The following ERC2 variants were observed in gnomAD, a reference collection of about 807,000 sequenced individuals.
ERC2 encodes ERC protein 2.
ERC2 carries 42 observed loss-of-function variants against 114.8 expected under a neutral mutation model. The observed-to-expected ratio is 0.37, with a 90% CI of 0.29 to 0.47. The LOEUF is 0.47. ERC2 is among the 20% of genes least tolerant of loss of function. ERC2 has a pLI of 0.99. For synonymous variants in ERC2, 454 were observed against 425.5 expected (o/e 1.07, Z -0.82); for missense variants, 939 against 1,150.7 (o/e 0.82, Z 2.66).
At chr3:55,929,590 G>A (rs1383941609) in intron 13 of ERC2, among the ~76,000 whole-genome samples, 1 of 152,174 alleles carries the variant, frequency 6.6e-6, no homozygotes, top group Non-Finnish European at 1.5e-5. Flanking sequence ...TAGGCAAATG[G>A]ATAATAAAAA....
chr3:55,663,981 T>C (rs919587711), intron 17 of ERC2, among the ~76,000 whole-genome samples: 2 of 152,234 alleles, frequency 1.3e-5, no homozygotes, highest in African/African-American at 2.4e-5. Flanking sequence ...TACCAGATGC[T>C]CAGCCACTAA....
rs541619164 is a variant in ERC2 at position 56,402,603 on chromosome 3, C to T, written c.657+31748G>A. Among the ~76,000 whole-genome samples the T allele has an allele frequency of 3.9e-4, 60 of 152,318 alleles. 1 individual carries two copies. The South Asian group carries it at 0.012, about 31-fold the overall frequency. On this transcript the variant is annotated intron_variant, in intron 2 of 17. Transcript: ENST00000288221. ...CCCACTAACAGTGATTAGGGTCCAT[C>T]TCACTTCTCCTCCCACCACTGTGTA...
At chr3:55,624,376 G>C (rs143665842) in intron 17 of ERC2, among the ~76,000 whole-genome samples, 1 of 152,170 alleles carries the variant, frequency 6.6e-6, no homozygotes, top group Non-Finnish European at 1.5e-5. Context: ...ACAATGTGTC[G>C]CCACGGGAGG....
At chr3:55,686,045 A>G (rs1042613735) in intron 16 of ERC2, among the ~76,000 whole-genome samples, 1 of 152,234 alleles carries the variant, frequency 6.6e-6, no homozygotes, top group Admixed American at 6.5e-5. Context: ...AGCAAATTAA[A>G]TATATTAAAA....
At chr3:55,844,040 G>T (rs750546233) in intron 14 of ERC2, among the ~76,000 whole-genome samples, 5 of 152,084 alleles carry the variant, frequency 3.3e-5, no homozygotes, top group African/African-American at 1.2e-4. Flanking sequence ...CAAAGTAAAC[G>T]AACATTTTTG....
chr3:55,538,392 T>C (rs1033346930), intron 17 of ERC2, among the ~76,000 whole-genome samples: 2 of 152,190 alleles, frequency 1.3e-5, no homozygotes, highest in Non-Finnish European at 2.9e-5. Context: ...TAACCTTTGT[T>C]GGCAGCAATC....
intron 2 of ERC2, among the ~76,000 whole-genome samples, chr3:56,393,408 T>C (rs1275340853): frequency 6.6e-6 from 1 of 152,010 alleles, no homozygotes; most frequent in African/African-American, 2.4e-5. Context: ...AAAAATAAAA[T>C]AAAATGAAAT....
chr3:55,783,704 T>C (rs959769508), intron 14 of ERC2, among the ~76,000 whole-genome samples: 1 of 150,316 alleles, frequency 6.7e-6, no homozygotes, highest in African/African-American at 2.5e-5. Context: ...TCCTTGAGAA[T>C]ATAGAAAAAA....
intron 13 of ERC2, among the ~76,000 whole-genome samples, chr3:55,905,426 G>T (rs1403755818): frequency 1.3e-5 from 2 of 152,152 alleles, no homozygotes; most frequent in African/African-American, 4.8e-5. Flanking sequence ...AGTAGTGGTG[G>T]TGGTGGTGGT....
At chr3:56,394,587 A>G (rs2060238294) in intron 2 of ERC2, among the ~76,000 whole-genome samples, 3 of 152,234 alleles carry the variant, frequency 2.0e-5, no homozygotes, top group Non-Finnish European at 4.4e-5. Context: ...AGGAAGACAT[A>G]CAAAGGGCCA....
intron 1 of ERC2, 124 bp downstream of exon 1, chr3:56,468,124 T>A (rs1286737467): frequency 6.7e-6 from 1 of 149,114 alleles, no homozygotes; most frequent in African/African-American, 2.5e-5. Flanking sequence ...ACCCTTAGGC[T>A]CCCCACGATA....
chr3:56,188,544 A>C (rs1012681939), intron 3 of ERC2, among the ~76,000 whole-genome samples: 1 of 152,296 alleles, frequency 6.6e-6, no homozygotes, highest in Non-Finnish European at 1.5e-5. Context: ...CCATGAGAGA[A>C]CACAGTTATG....
intron 2 of ERC2, among the ~76,000 whole-genome samples, chr3:56,300,242 A>G (rs2055773407): frequency 6.6e-6 from 1 of 151,464 alleles, no homozygotes; most frequent in African/African-American, 2.4e-5. Context: ...TCCATTCAAT[A>G]TACAGTTACT....
At chr3:56,061,007 C>T (rs1371732960) in intron 7 of ERC2, among the ~76,000 whole-genome samples, 1 of 152,160 alleles carries the variant, frequency 6.6e-6, no homozygotes, top group Non-Finnish European at 1.5e-5. Context: ...GAGTCAGTAA[C>T]CTCCACTTGC....
intron 16 of ERC2, among the ~76,000 whole-genome samples, chr3:55,692,028 A>G (rs2148805455): frequency 6.6e-6 from 1 of 152,270 alleles, no homozygotes; most frequent in East Asian, 1.9e-4. Context: ...AACATAAAAT[A>G]AATTCTTTTT....
intron 8 of ERC2, among the ~76,000 whole-genome samples, chr3:56,018,064 C>T (rs2073429899): frequency 6.6e-6 from 1 of 152,020 alleles, no homozygotes. Flanking sequence ...TTGTGGTGTT[C>T]CTGAGACATA....
chr3:55,926,868 A>G (rs1043618619), intron 13 of ERC2, among the ~76,000 whole-genome samples: 4 of 152,204 alleles, frequency 2.6e-5, no homozygotes, highest in Non-Finnish European at 4.4e-5. Context: ...AGAATACCCA[A>G]TGCATAATAC....
At chr3:55,565,052 C>T (rs539601187) in intron 17 of ERC2, among the ~76,000 whole-genome samples, 1 of 152,274 alleles carries the variant, frequency 6.6e-6, no homozygotes, top group Admixed American at 6.5e-5. Flanking sequence ...GTTTGCTGAC[C>T]CCTTTCTCTA....
intron 14 of ERC2, among the ~76,000 whole-genome samples, chr3:55,748,597 A>C (rs1401703285): frequency 6.6e-6 from 1 of 152,218 alleles, no homozygotes; most frequent in East Asian, 1.9e-4. Context: ...GATCATCAGC[A>C]ATACCGTGCA....
Sources: allele counts gnomAD v4.1 joint callset (sites outside exome capture counted in the v4.1 genomes callset), GRCh38; gene constraint gnomAD v4.1.1; transcripts MANE v1.5; gene names NCBI Gene and HGNC (gene_info 2026-07-23, HGNC 2026-07-21).